The following POLR3E variants were observed in gnomAD, a reference collection of about 807,000 sequenced individuals.
POLR3E encodes RNA polymerase III subunit E.
Under a neutral mutation model 96.6 loss-of-function variants are expected in POLR3E, and 41 were observed. The observed-to-expected ratio is 0.42, with a 90% CI of 0.33 to 0.55. The LOEUF is 0.55. Among genes scored for constraint, POLR3E ranks in the 20% least tolerant of loss-of-function variants. The pLI is 0.06. For missense variants in POLR3E, 849 were observed against 952.1 expected, an observed-to-expected ratio of 0.89 and a Z score of 1.43; for synonymous variants, 396 against 383.6, an observed-to-expected ratio of 1.03 and a Z score of -0.38.
At chr16:22,301,726 G>C (rs560093846) in intron 1 of POLR3E, among the ~76,000 whole-genome samples, 68 of 152,150 alleles carry the variant, frequency 4.5e-4, no homozygotes, top group African/African-American at 1.6e-3. Context: ...AGGAATTCAA[G>C]ACTAACCTGG....
intron 6 of POLR3E, among the ~76,000 whole-genome samples, chr16:22,312,976 G>GATCA (rs1364331340): frequency 1.3e-5 from 2 of 151,874 alleles, no homozygotes; most frequent in Non-Finnish European, 2.9e-5. Context: ...AATGGGATAG[G>GATCA]ATCAAAAGTA....
intron 12 of POLR3E, among the ~76,000 whole-genome samples, chr16:22,317,638 T>TTGTTG (rs1567320844): frequency 0.011 from 1,689 of 151,194 alleles, 46 homozygotes; most frequent in African/African-American, 0.04. Flanking sequence ...CTAGGGGCTT[T>TTGTTG]TTGTTGTTGT....
intron 20 of POLR3E, among the ~76,000 whole-genome samples, chr16:22,332,967 C>CTTTTTTTTTT (rs1166614906): frequency 1.4e-5 from 1 of 73,062 alleles, no homozygotes; most frequent in Non-Finnish European, 2.4e-5. Flanking sequence ...CGTAGACCCC[C>CTTTTTTTTTT]TTTTTTTTTT....
At position 22,308,197 on chromosome 16, in the gene POLR3E, C is replaced by T. The variant is rs200294154; in HGVS notation, c.137C>T (p.Ser46Leu). The T allele has an allele frequency of 3.4e-5, 55 of 1,613,734 alleles. No individual in the cohort carries two copies. The East Asian group carries it at 1.2e-3, about 35-fold the overall frequency. The change falls in exon 4 of 21, where the codon TCA becomes TTA. Residue 46 changes from serine to leucine, a missense_variant. Coordinates refer to ENST00000299853, the MANE Select transcript of POLR3E (RefSeq NM_018119.4). ...ACCTACGATGACATTCCGCACCTCT[C>T]AGCCAAGATCAAGCCCAAGCAGCAG... ...SMTYDDIPHL[S>L]AKIKPKQQKV...
In POLR3E at chr16:22,333,815, A is replaced by G; in HGVS notation, c.*115A>G. 1 of 731,860 alleles carries G rather than the reference A, an allele frequency of 1.4e-6. No individual in the cohort carries two copies. Among genetic ancestry groups the G allele is most frequent in the Non-Finnish European group, 2.5e-6 (1 of 401,942 alleles). 45.3% of individuals were successfully genotyped at this position (731,860 alleles called of 1,614,324 possible). On this transcript the variant is annotated 3_prime_UTR_variant, in exon 21 of 21. Coordinates refer to ENST00000299853, the MANE Select transcript of POLR3E (RefSeq NM_018119.4). ...CAGAGCAAGAGGAACTGACCATCTC[A>G]TGACCTGTGGCATTGCACGGTGCAG... is the stretch of plus-strand genomic sequence containing the variant.
At chr16:22,309,300 G>T in intron 5 of POLR3E, 128 bp from the exon 6 acceptor site, 1 of 797,504 alleles carries the variant, frequency 1.3e-6, no homozygotes, top group Non-Finnish European at 2.2e-6. Flanking sequence ...ACCCGCGTAG[G>T]CTGCCCTGCG....
chr16:22,304,604 T>C (rs8062706), intron 2 of POLR3E, among the ~76,000 whole-genome samples: 37,061 of 151,256 alleles, frequency 0.25, 7,882 homozygotes, highest in African/African-American at 0.58. Flanking sequence ...GGCCCAGGGG[T>C]AGGAGAGCAT....
chr16:22,301,181 C>T (rs1348731079), intron 1 of POLR3E, among the ~76,000 whole-genome samples: 6 of 151,994 alleles, frequency 3.9e-5, no homozygotes, highest in Non-Finnish European at 7.4e-5. Flanking sequence ...GCTACAAAGC[C>T]CCAGAAGTGG....
At chr16:22,325,613 C>T (rs1049629961) in intron 17 of POLR3E, 148 bp from the exon 18 acceptor site, 3 of 951,144 alleles carry the variant, frequency 3.2e-6, no homozygotes, top group African/African-American at 3.3e-5. Context: ...GGACGGTTCT[C>T]TCTTCCACTG....
Position 22,324,371 on chromosome 16 carries a change from G to C in POLR3E, c.1086G>C (p.Gln362His). The change falls in exon 15 of 21, where the codon CAG becomes CAC. Residue 362 changes from glutamine (Q) to histidine (H), a missense_variant. By Grantham distance (24) the Gln-to-His change is conservative. Transcript: ENST00000299853. Reference sequence around the variant, plus strand: ...TCCCTCAGATGTGGAAGTTCACGCAGAGCCGCTGGGTGGTTAGGAAAGAGG... The same window carrying C: ...TCCCTCAGATGTGGAAGTTCACGCACAGCCGCTGGGTGGTTAGGAAAGAGG... Reference protein sequence around the residue: ...GRDFVMWKFTQSRWVVRKEVA... With the variant: ...GRDFVMWKFTHSRWVVRKEVA... 1 of 1,612,974 alleles carries C rather than the reference G, an allele frequency of 6.2e-7. No homozygotes were observed. The highest frequency in any genetic ancestry group is 8.5e-7 in the Non-Finnish European group (1 of 1,179,724).
At position 22,326,155 on chromosome 16, in the gene POLR3E, C is replaced by G. The variant is rs374083804; in HGVS notation, c.1743C>G (p.Leu581=). Residue 581 remains leucine (L), a synonymous_variant, in exon 18 of 21, where the codon CTC becomes CTG. Transcript: ENST00000299853. ...QRQFVLTLSE[L]KRLFNLHLAS... Reference sequence around the variant, plus strand: ...AGTTTGTGCTCACGCTGAGCGAACTCAAGCGCCTCTTCAATCTGCACTTGG... The same window carrying G: ...AGTTTGTGCTCACGCTGAGCGAACTGAAGCGCCTCTTCAATCTGCACTTGG... 2 of 1,613,922 alleles carry G rather than the reference C, an allele frequency of 1.2e-6. No homozygotes were observed. The highest frequency in any genetic ancestry group is 3.3e-5 in the Admixed American group (2 of 60,014).
intron 1 of POLR3E, among the ~76,000 whole-genome samples, chr16:22,298,568 C>T (rs1268524133): frequency 6.6e-6 from 1 of 152,126 alleles, no homozygotes; most frequent in Non-Finnish European, 1.5e-5. Flanking sequence ...GGGATTTGAA[C>T]CTGCACAGTT....
chr16:22,330,988 C>CTTTGTTTTTTTTTTT (rs2048726366), intron 19 of POLR3E, among the ~76,000 whole-genome samples: 1 of 50,732 alleles, frequency 2.0e-5, no homozygotes, highest in Non-Finnish European at 3.9e-5. Context: ...ATGAAGCATC[C>CTTTGTTTTTTTTTTT]TTTTTTTTTT....
chr16:22,302,692 CT>C (rs1440287032), intron 1 of POLR3E: 1 of 508,702 alleles, frequency 2.0e-6, no homozygotes, highest in African/African-American at 1.9e-5. Flanking sequence ...GCAGCCCACA[CT>C]TGTTGGCTTG....
chr16:22,299,900 G>A (rs553130847), intron 1 of POLR3E, among the ~76,000 whole-genome samples: 87 of 132,490 alleles, frequency 6.6e-4, no homozygotes, highest in African/African-American at 2.7e-3. Context: ...ACCGGGGGGC[G>A]GGGGGCGCCT....
Position 22,317,664 on chromosome 16 carries a change from TG to T in POLR3E, c.865+459del, listed in dbSNP as rs540111489. 6.9e-3 allele frequency among the ~76,000 whole-genome samples: 1,040 copies of T among 149,872 alleles called. 16 individuals are homozygous for T. The highest frequency in any genetic ancestry group is 0.032 in the South Asian group (153 of 4,710). ...TTGTTGTTGTTGTTGTTGTTGTTGT[TG>T]TTTTTTTTTTTAAGGTTTTTTTAAA... On this transcript the variant is annotated intron_variant, in intron 12 of 20. Transcript: ENST00000299853.
Position 22,313,811 on chromosome 16 carries a change from T to TA in POLR3E, c.472+85dup. ...GGTCCTGGGAAGAGGGATGGGATGA[T>TA]AGGATGTTTAGCAGGATCCCTGGCC... is the stretch of plus-strand genomic sequence containing the variant. On this transcript the variant is annotated intron_variant, in intron 7 of 20. Transcript: ENST00000299853. This position sits in a 1 kb window ranked among gnomAD's most constrained non-coding sequence, Gnocchi z 4.1. 1 of 927,282 alleles carries TA rather than the reference T, an allele frequency of 1.1e-6. No individual in the cohort carries two copies. Among genetic ancestry groups the TA allele is most frequent in the South Asian group, 1.4e-5 (1 of 71,518 alleles). 57.4% of individuals were successfully genotyped at this position (927,282 alleles called of 1,614,324 possible). A position where few individuals can be genotyped will look rare whatever the true frequency, so the allele number is the denominator to read the frequency against.
At chr16:22,311,696 A>G (rs751689299) in intron 6 of POLR3E, among the ~76,000 whole-genome samples, 7 of 151,644 alleles carry the variant, frequency 4.6e-5, no homozygotes, top group East Asian at 3.9e-4. Context: ...GGGTCTTGCT[A>G]TGTTGCCCAG....
intron 6 of POLR3E, among the ~76,000 whole-genome samples, chr16:22,312,510 G>T (rs1265069324): frequency 6.6e-6 from 1 of 151,618 alleles, no homozygotes; most frequent in Admixed American, 6.6e-5. Flanking sequence ...AAAATACATT[G>T]ATTAGTATGC....
Sources: allele counts gnomAD v4.1 joint callset (sites outside exome capture counted in the v4.1 genomes callset), GRCh38; gene constraint gnomAD v4.1.1; non-coding constraint Gnocchi (gnomAD v3.1); transcripts MANE v1.5; gene names NCBI Gene and HGNC (gene_info 2026-07-23, HGNC 2026-07-21).